HSD17B12: variants seen among roughly 807,000 people sequenced by gnomAD.
HSD17B12 encodes the protein hydroxysteroid 17-beta dehydrogenase 12.
A neutral mutation model predicts 39.3 loss-of-function variants in HSD17B12; 32 were observed. The ratio of observed to expected loss-of-function variants is 0.81; its 90% CI spans 0.61 to 1.09. The LOEUF (loss-of-function observed/expected upper bound fraction) is 1.09, where lower values mean the gene tolerates loss of function less well. Among genes scored for constraint, HSD17B12 ranks in the 50% least tolerant of loss-of-function variants. HSD17B12 has a pLI of 0.00. For synonymous variants in HSD17B12, 150 were observed against 146.7 expected, an observed-to-expected ratio of 1.02 and a Z score of -0.16; for missense variants, 342 against 382.9, an observed-to-expected ratio of 0.89 and a Z score of 0.89.
intron 1 of HSD17B12, among the ~76,000 whole-genome samples, chr11:43,742,425 G>A (rs1386122863): frequency 6.6e-6 from 1 of 151,820 alleles, no homozygotes; most frequent in African/African-American, 2.4e-5. Context: ...GAGCCACTGT[G>A]CCCCATGAAA....
intron 3 of HSD17B12, among the ~76,000 whole-genome samples, chr11:43,754,715 T>C (rs529903946): frequency 1.4e-4 from 21 of 152,256 alleles, no homozygotes; most frequent in Admixed American, 6.5e-5. Context: ...TGCTGAAATG[T>C]CTAAACTTGT....
chr11:43,841,595 G>A (rs1016739125), intron 9 of HSD17B12, among the ~76,000 whole-genome samples: 5 of 152,178 alleles, frequency 3.3e-5, no homozygotes, highest in African/African-American at 1.2e-4. Context: ...ATAATGCTGT[G>A]AAAACACAAA....
chr11:43,669,866 T>G, the HSD17B12 span, among the ~76,000 whole-genome samples: 238 of 152,182 alleles, frequency 1.6e-3, no homozygotes, highest in African/African-American at 5.6e-3. Flanking sequence ...GGTTGTGGGG[T>G]TAGGACTTTA....
At chr11:43,603,347 A>C in the HSD17B12 span, among the ~76,000 whole-genome samples, 5 of 152,146 alleles carry the variant, frequency 3.3e-5, no homozygotes, top group Non-Finnish European at 7.4e-5. Context: ...TATAAATGTG[A>C]TTTTATTTTT....
At chr11:43,816,166 G>T (rs1432753421) in intron 5 of HSD17B12, among the ~76,000 whole-genome samples, 181 bp from the exon 6 acceptor site, 3 of 152,076 alleles carry the variant, frequency 2.0e-5, no homozygotes, top group Non-Finnish European at 4.4e-5. Flanking sequence ...ACCTTAGTTA[G>T]GAAAATATAA....
chr11:43,637,244 G>A, the HSD17B12 span, among the ~76,000 whole-genome samples: 3 of 123,296 alleles, frequency 2.4e-5, no homozygotes, highest in African/African-American at 8.6e-5. Context: ...TTTTTGAGAC[G>A]GAGTCTTCCT....
chr11:43,599,213 A>AT, the HSD17B12 span, among the ~76,000 whole-genome samples: 1 of 152,096 alleles, frequency 6.6e-6, no homozygotes, highest in South Asian at 2.1e-4. Flanking sequence ...ACTCGGTGTG[A>AT]TTTTTTTCCT....
At chr11:43,573,101 G>C in the HSD17B12 span, among the ~76,000 whole-genome samples, 14 of 152,314 alleles carry the variant, frequency 9.2e-5, no homozygotes, top group African/African-American at 3.4e-4. Flanking sequence ...AGCATTGGGG[G>C]AACGAGTCCT....
At chr11:43,735,324 G>T (rs1238239750) in intron 1 of HSD17B12, among the ~76,000 whole-genome samples, 1 of 152,146 alleles carries the variant, frequency 6.6e-6, no homozygotes, top group Non-Finnish European at 1.5e-5. Flanking sequence ...TATTTCTGTT[G>T]ATCTTTTTGA....
At chr11:43,791,023 A>T (rs980737857) in intron 3 of HSD17B12, among the ~76,000 whole-genome samples, 1 of 151,922 alleles carries the variant, frequency 6.6e-6, no homozygotes, top group Non-Finnish European at 1.5e-5. Flanking sequence ...ATAAAAAAAA[A>T]CTGTGTAGGG....
intron 1 of HSD17B12, among the ~76,000 whole-genome samples, chr11:43,720,680 A>G (rs1269345591): frequency 6.6e-6 from 1 of 152,250 alleles, no homozygotes; most frequent in Non-Finnish European, 1.5e-5. Flanking sequence ...TTCACATTGC[A>G]AAAGAGCATG....
the HSD17B12 span, among the ~76,000 whole-genome samples, chr11:43,613,828 G>A: frequency 2.6e-4 from 40 of 151,936 alleles, no homozygotes; most frequent in African/African-American, 8.4e-4. Flanking sequence ...CACTACGCCC[G>A]GCTAATTTTT....
the HSD17B12 span, among the ~76,000 whole-genome samples, chr11:43,632,005 G>A: frequency 4.0e-4 from 61 of 152,248 alleles, no homozygotes; most frequent in Non-Finnish European, 7.5e-4. Flanking sequence ...GAGTGTGTGA[G>A]TGAGGGAGGG....
At chr11:43,783,414 CT>C (rs869204675) in intron 3 of HSD17B12, among the ~76,000 whole-genome samples, 12 of 131,488 alleles carry the variant, frequency 9.1e-5, no homozygotes, top group Admixed American at 7.5e-5. Flanking sequence ...TTTTTTTTTA[CT>C]TTTTTTTTTA....
the HSD17B12 span, among the ~76,000 whole-genome samples, chr11:43,603,467 A>T: frequency 1.3e-5 from 2 of 152,202 alleles, no homozygotes; most frequent in African/African-American, 4.8e-5. Flanking sequence ...CTTCTCAAAA[A>T]TATAAAGGAA....
intron 3 of HSD17B12, 45 bp from the exon 4 acceptor site, chr11:43,798,275 C>T (rs752171075): frequency 3.5e-6 from 4 of 1,130,948 alleles, no homozygotes; most frequent in Admixed American, 1.7e-5. Flanking sequence ...CTGCCATGTA[C>T]TAATTTTCCC....
intron 1 of HSD17B12, among the ~76,000 whole-genome samples, chr11:43,728,161 G>C (rs2134880899): frequency 6.6e-6 from 1 of 152,064 alleles, no homozygotes; most frequent in African/African-American, 2.4e-5. Flanking sequence ...CGCTTCCTGG[G>C]TTCAAGTGAT....
intron 1 of HSD17B12, among the ~76,000 whole-genome samples, chr11:43,697,704 G>A (rs1244661848): frequency 6.6e-6 from 1 of 152,184 alleles, no homozygotes; most frequent in African/African-American, 2.4e-5. Context: ...CAAGCAGTGA[G>A]AACACCTTGG....
chr11:43,772,651 C>T (rs1337523123), intron 3 of HSD17B12, among the ~76,000 whole-genome samples: 1 of 152,104 alleles, frequency 6.6e-6, no homozygotes, highest in East Asian at 1.9e-4. Context: ...AGTAAAATGC[C>T]GATGTACTAG....
Sources: allele counts gnomAD v4.1 joint callset (sites outside exome capture counted in the v4.1 genomes callset), GRCh38; gene constraint gnomAD v4.1.1; transcripts MANE v1.5; gene names NCBI Gene and HGNC (gene_info 2026-07-23, HGNC 2026-07-21).